EYS: variants seen among roughly 807,000 people sequenced by gnomAD.
EYS encodes protein eyes shut homolog.
In EYS, 250 loss-of-function variants were observed where a neutral mutation model predicts 282.1. The observed-to-expected ratio is 0.89, with a 90% CI of 0.80 to 0.98. EYS has a LOEUF of 0.98. Among genes scored for constraint, EYS ranks in the 50% least tolerant of loss-of-function variants. EYS has a pLI of 0.00. For missense variants in EYS, 4,016 were observed against 3,709.0 expected, an observed-to-expected ratio of 1.08 and a Z score of -2.15; for synonymous variants, 1,355 against 1,282.9, an observed-to-expected ratio of 1.06 and a Z score of -1.20.
chr6:64,143,451 G>A (rs900964397), intron 31 of EYS, among the ~76,000 whole-genome samples: 3 of 150,942 alleles, frequency 2.0e-5, no homozygotes, highest in Admixed American at 6.6e-5. Flanking sequence ...AAGTACATAG[G>A]AAGAACTCTT....
intron 19 of EYS, among the ~76,000 whole-genome samples, chr6:64,826,674 G>A (rs1237219137): frequency 8.2e-6 from 1 of 121,688 alleles, no homozygotes; most frequent in East Asian, 3.4e-4. Flanking sequence ...ATAAATACAT[G>A]ATTTTATGTA....
At chr6:64,849,773 C>T (rs537589962) in intron 19 of EYS, among the ~76,000 whole-genome samples, 1 of 151,794 alleles carries the variant, frequency 6.6e-6, no homozygotes, top group African/African-American at 2.4e-5. Context: ...CTAGAGGCAA[C>T]CTGTGTACCT....
chr6:63,721,843 T>G (rs1768408728), intron 42 of EYS, 46 bp from the exon 43 acceptor site: 1 of 1,491,358 alleles, frequency 6.7e-7, no homozygotes, highest in Non-Finnish European at 8.9e-7. Flanking sequence ...AGTAAAAGTT[T>G]CCATTGAAAA....
At chr6:64,326,230 T>G (rs1027780734) in intron 29 of EYS, among the ~76,000 whole-genome samples, 1 of 152,046 alleles carries the variant, frequency 6.6e-6, no homozygotes, top group Non-Finnish European at 1.5e-5. Flanking sequence ...AAGAGAATAT[T>G]AACAGCCTGT....
At chr6:64,876,317 T>A (rs1176877172) in intron 19 of EYS, among the ~76,000 whole-genome samples, 1 of 152,138 alleles carries the variant, frequency 6.6e-6, no homozygotes, top group Non-Finnish European at 1.5e-5. Context: ...TACTAATTTT[T>A]TAAATGTTTT....
At chr6:65,673,212 G>A (rs376585480) in intron 1 of EYS, among the ~76,000 whole-genome samples, 4 of 151,992 alleles carry the variant, frequency 2.6e-5, no homozygotes, top group Admixed American at 6.6e-5. Context: ...TTGGAGTGGC[G>A]AAAATTTTGG....
chr6:64,365,758 C>T (rs1772161670), intron 29 of EYS, among the ~76,000 whole-genome samples: 1 of 151,834 alleles, frequency 6.6e-6, no homozygotes, highest in African/African-American at 2.4e-5. Context: ...CAAGTATAAA[C>T]TAGAACAATT....
At chr6:64,775,624 C>T (rs1773655618) in intron 22 of EYS, among the ~76,000 whole-genome samples, 1 of 151,934 alleles carries the variant, frequency 6.6e-6, no homozygotes, top group Non-Finnish European at 1.5e-5. Context: ...ATGTTTTTCT[C>T]TAGGCCACAA....
intron 28 of EYS, among the ~76,000 whole-genome samples, chr6:64,414,229 CAAAT>C (rs1158647554): frequency 1.3e-5 from 2 of 152,016 alleles, no homozygotes; most frequent in African/African-American, 4.8e-5. Flanking sequence ...ATATCATATA[CAAAT>C]AAATATCTGA....
intron 35 of EYS, among the ~76,000 whole-genome samples, chr6:63,961,060 A>T (rs1766035424): frequency 6.6e-6 from 1 of 152,232 alleles, no homozygotes; most frequent in Admixed American, 6.5e-5. Context: ...TCCTGCTGCT[A>T]CAGCGAAATA....
At chr6:65,470,988 T>A (rs978255933) in intron 5 of EYS, among the ~76,000 whole-genome samples, 1 of 151,786 alleles carries the variant, frequency 6.6e-6, no homozygotes, top group Admixed American at 6.6e-5. Context: ...AATACAAAAA[T>A]TAGCTGGGCA....
At chr6:64,100,179 T>C (rs1456416965) in intron 31 of EYS, among the ~76,000 whole-genome samples, 1 of 152,224 alleles carries the variant, frequency 6.6e-6, no homozygotes. Flanking sequence ...AGAATAATTA[T>C]ACTACTTTCT....
intron 12 of EYS, among the ~76,000 whole-genome samples, chr6:65,132,351 A>G (rs369878246): frequency 2.6e-5 from 4 of 152,108 alleles, no homozygotes; most frequent in South Asian, 4.1e-4. Flanking sequence ...CATATGAAAA[A>G]GATAATCCAT....
intron 32 of EYS, among the ~76,000 whole-genome samples, chr6:64,072,884 G>T (rs528517897): frequency 6.6e-6 from 1 of 151,854 alleles, no homozygotes. Flanking sequence ...TTTAGGTCAA[G>T]CTGTTGTGCC....
chr6:63,932,486 T>A (rs1764925364), intron 35 of EYS, among the ~76,000 whole-genome samples: 1 of 152,226 alleles, frequency 6.6e-6, no homozygotes, highest in Non-Finnish European at 1.5e-5. Flanking sequence ...CAACACTCAA[T>A]AACTATTCTT....
chr6:64,228,647 T>G (rs1025166656), intron 31 of EYS, among the ~76,000 whole-genome samples: 2 of 152,198 alleles, frequency 1.3e-5, no homozygotes, highest in African/African-American at 4.8e-5. Context: ...GTTAAAAACT[T>G]AAGAAGTATA....
At chr6:64,613,919 C>G (rs983991878) in intron 24 of EYS, among the ~76,000 whole-genome samples, 3 of 152,098 alleles carry the variant, frequency 2.0e-5, no homozygotes, top group African/African-American at 7.2e-5. Context: ...AACTATTTTA[C>G]CAGAGCTTAG....
intron 31 of EYS, among the ~76,000 whole-genome samples, chr6:64,100,983 C>CT (rs527864893): frequency 1.5e-4 from 23 of 151,468 alleles, no homozygotes; most frequent in African/African-American, 1.9e-4. Context: ...GCACAAAGAT[C>CT]TTTTTTTTTG....
intron 8 of EYS, among the ~76,000 whole-genome samples, chr6:65,374,908 C>T (rs778283707): frequency 6.6e-6 from 1 of 152,168 alleles, no homozygotes; most frequent in African/African-American, 2.4e-5. Context: ...AAAACTCCCA[C>T]CTCCCTAGGA....
Sources: allele counts gnomAD v4.1 joint callset (sites outside exome capture counted in the v4.1 genomes callset), GRCh38; gene constraint gnomAD v4.1.1; transcripts MANE v1.5; gene names NCBI Gene and HGNC (gene_info 2026-07-23, HGNC 2026-07-21).